The following LPAR3 variants were observed in gnomAD, a reference collection of about 807,000 sequenced individuals.
The protein encoded by LPAR3 is LPA receptor 3.
LPAR3 carries 7 observed loss-of-function variants against 17.8 expected under a neutral mutation model. The ratio of observed to expected loss-of-function variants is 0.39; its 90% CI spans 0.22 to 0.74. The LOEUF is 0.74. LPAR3 is among the 30% of genes least tolerant of loss of function. The pLI is 0.40. For synonymous variants in LPAR3, 179 were observed against 179.9 expected, an observed-to-expected ratio of 0.99 and a Z score of 0.04; for missense variants, 391 against 453.4, an observed-to-expected ratio of 0.86 and a Z score of 1.25.
At chr1:84,843,399 T>C (rs2102755547) in intron 2 of LPAR3, among the ~76,000 whole-genome samples, 1 of 152,366 alleles carries the variant, frequency 6.6e-6, no homozygotes, top group African/African-American at 2.4e-5. Context: ...CTGTGATTTC[T>C]TCTCTCCAAT....
At chr1:84,856,665 T>G (rs1300949445) in intron 2 of LPAR3, among the ~76,000 whole-genome samples, 2 of 152,132 alleles carry the variant, frequency 1.3e-5, no homozygotes, top group African/African-American at 2.4e-5. Context: ...AGGGCAAACT[T>G]TCCAATCCTA....
chr1:84,878,873 G>C (rs1557608679), intron 1 of LPAR3, among the ~76,000 whole-genome samples: 1 of 152,240 alleles, frequency 6.6e-6, no homozygotes, highest in East Asian at 1.9e-4. Context: ...TTGGGCTCAG[G>C]GTAGACTGCT....
chr1:84,865,455 C>T lies in LPAR3; in HGVS notation c.666G>A (p.Pro222=), dbSNP rs140283678. The T allele has an allele frequency of 5.4e-5, 87 of 1,614,120 alleles. No homozygotes were observed. The highest frequency in any genetic ancestry group is 2.0e-4 in the African/African-American group (15 of 75,034). The stretch of plus-strand genomic sequence containing the variant: ...GGCGGCTGATGGACCCACTTGTATG[C>T]GGAGACAAGACGTTGGTTTTCCTCT... ...YVKRKTNVLS[P]HTSGSISRRR... Residue 222 remains proline, a synonymous_variant, in exon 2 of 3, where the codon CCG becomes CCA. Transcript: ENST00000370611.
intron 1 of LPAR3, among the ~76,000 whole-genome samples, chr1:84,890,385 G>A (rs1210515765): frequency 6.6e-6 from 1 of 152,192 alleles, no homozygotes; most frequent in African/African-American, 2.4e-5. Context: ...TTTTTATCTA[G>A]GAGGAAAAGA....
At chr1:84,882,489 TAA>T (rs1186079543) in intron 1 of LPAR3, among the ~76,000 whole-genome samples, 1 of 152,236 alleles carries the variant, frequency 6.6e-6, no homozygotes, top group Non-Finnish European at 1.5e-5. Context: ...TAAAAAATCC[TAA>T]AATTCATCTG....
In LPAR3 at chr1:84,813,988, A is replaced by G; in HGVS notation, c.920T>C (p.Met307Thr). 6.2e-7 allele frequency: 1 copy of G among 1,614,168 alleles called. No homozygotes were observed. The highest frequency in any genetic ancestry group is 8.5e-7 in the Non-Finnish European group (1 of 1,180,024). Residue 307 changes from methionine to threonine, a missense_variant, in exon 3 of 3, where the codon ATG becomes ACG. Transcript: ENST00000370611. ...GTTCTCCTGAGAGAAGCAGCAGATC[A>G]TCTTCTTCATGGTGCCATACATGTC... ...DEDMYGTMKKMICCFSQENPE... is the reference protein window; with the variant it reads ...DEDMYGTMKKTICCFSQENPE...
intron 2 of LPAR3, among the ~76,000 whole-genome samples, chr1:84,817,802 C>CAA (rs10674807): frequency 0.31 from 37,179 of 119,176 alleles, 5,361 homozygotes; most frequent in East Asian, 0.55. Context: ...CTTTCCTGGC[C>CAA]AAAAAAAAAA....
chr1:84,835,746 A>G (rs1659390362), intron 2 of LPAR3, among the ~76,000 whole-genome samples: 1 of 152,168 alleles, frequency 6.6e-6, no homozygotes, highest in Non-Finnish European at 1.5e-5. Context: ...ATTGACGTCA[A>G]TCTTGTCTTA....
At chr1:84,816,885 C>G (rs903700193) in intron 2 of LPAR3, among the ~76,000 whole-genome samples, 19 of 152,146 alleles carry the variant, frequency 1.2e-4, no homozygotes, top group African/African-American at 4.6e-4. Context: ...TGTACTCTTC[C>G]ATTTGTTTTG....
chr1:84,821,311 C>T (rs1659049356), intron 2 of LPAR3, among the ~76,000 whole-genome samples: 1 of 152,042 alleles, frequency 6.6e-6, no homozygotes, highest in African/African-American at 2.4e-5. Flanking sequence ...CACCCTCTCC[C>T]CATACACGTC....
chr1:84,832,942 G>A (rs879228630), intron 2 of LPAR3, among the ~76,000 whole-genome samples: 4 of 152,182 alleles, frequency 2.6e-5, no homozygotes, highest in Admixed American at 2.6e-4. Flanking sequence ...CAAATGAGAT[G>A]AGTAAGTCAA....
intron 2 of LPAR3, among the ~76,000 whole-genome samples, chr1:84,857,246 TA>T (rs1659847101): frequency 6.6e-6 from 1 of 152,164 alleles, no homozygotes; most frequent in Non-Finnish European, 1.5e-5. Context: ...AGAATCAAAC[TA>T]AGGTCTAAGA....
At chr1:84,840,116 G>A (rs1043177742) in intron 2 of LPAR3, among the ~76,000 whole-genome samples, 1 of 151,456 alleles carries the variant, frequency 6.6e-6, no homozygotes. Context: ...TAGAGATGGG[G>A]GTCTCACTAT....
At chr1:84,875,465 A>T (rs570680340) in intron 1 of LPAR3, among the ~76,000 whole-genome samples, 3 of 152,302 alleles carry the variant, frequency 2.0e-5, no homozygotes, top group Admixed American at 2.0e-4. Context: ...TTGTTATCAC[A>T]GGAGTGGGCT....
chr1:84,815,612 T>C (rs919817721), intron 2 of LPAR3, among the ~76,000 whole-genome samples: 7 of 152,200 alleles, frequency 4.6e-5, no homozygotes, highest in African/African-American at 1.7e-4. Context: ...GTCAGACATG[T>C]ATGCACAGCT....
At chr1:84,880,423 T>C (rs941354628) in intron 1 of LPAR3, among the ~76,000 whole-genome samples, 1 of 152,204 alleles carries the variant, frequency 6.6e-6, no homozygotes, top group Non-Finnish European at 1.5e-5. Flanking sequence ...CAATTGCCCG[T>C]GTAGCTCCAA....
intron 1 of LPAR3, among the ~76,000 whole-genome samples, chr1:84,886,265 A>C (rs1286886744): frequency 6.6e-6 from 1 of 152,198 alleles, no homozygotes; most frequent in Admixed American, 6.5e-5. Flanking sequence ...GGTAGCTCAT[A>C]CCTGTAATCC....
chr1:84,845,213 A>T (rs1005499339), intron 2 of LPAR3, among the ~76,000 whole-genome samples: 1 of 152,182 alleles, frequency 6.6e-6, no homozygotes, highest in Admixed American at 6.5e-5. Context: ...AAGAACATTG[A>T]AAAGCATTTT....
intron 2 of LPAR3, among the ~76,000 whole-genome samples, chr1:84,857,322 A>G (rs1401105874): frequency 6.6e-6 from 1 of 152,132 alleles, no homozygotes; most frequent in African/African-American, 2.4e-5. Flanking sequence ...TATGTGTATT[A>G]ACTCATTGAA....
Sources: gnomAD v4.1 joint callset for allele counts (sites outside exome capture counted in the v4.1 genomes callset) on GRCh38, gnomAD v4.1.1 for gene constraint, MANE v1.5 for transcripts, NCBI Gene and HGNC (gene_info 2026-07-23, HGNC 2026-07-21) for gene names.